BBS9: variants seen among roughly 807,000 people sequenced by gnomAD.
The protein encoded by BBS9 is Bardet-Biedl syndrome 9.
BBS9 carries 89 observed loss-of-function variants against 117.7 expected under a neutral mutation model. The ratio of observed to expected loss-of-function variants is 0.76; its 90% confidence interval spans 0.64 to 0.90. The LOEUF (loss-of-function observed/expected upper bound fraction) is 0.90, where lower values mean the gene tolerates loss of function less well. Among genes scored for constraint, BBS9 ranks in the 40% least tolerant of loss-of-function variants. The probability of loss-of-function intolerance (pLI) is 0.00; values close to 1 mark genes in which losing one functional copy is unlikely to be tolerated. For synonymous variants in BBS9, 379 were observed against 370.9 expected, an observed-to-expected ratio of 1.02 and a Z score of -0.25; for missense variants, 982 against 1,042.2, an observed-to-expected ratio of 0.94 and a Z score of 0.80.
intron 19 of BBS9, among the ~76,000 whole-genome samples, chr7:33,419,937 G>A (rs1490615443): frequency 6.6e-6 from 1 of 152,134 alleles, no homozygotes; most frequent in African/African-American, 2.4e-5. Context: ...GGCAGATGGT[G>A]GAAGAAAGAT....
At chr7:33,480,821 G>A (rs1434221765) in intron 19 of BBS9, among the ~76,000 whole-genome samples, 2 of 152,150 alleles carry the variant, frequency 1.3e-5, no homozygotes, top group Non-Finnish European at 1.5e-5. Flanking sequence ...GGGACCTGGT[G>A]GGAAGTGATT....
intron 19 of BBS9, among the ~76,000 whole-genome samples, chr7:33,494,907 A>T (rs1844505341): frequency 6.6e-6 from 1 of 152,194 alleles, no homozygotes; most frequent in South Asian, 2.1e-4. Context: ...GTTTCACTCC[A>T]TGTGAAACCA....
At chr7:33,296,630 T>C (rs1000528853) in intron 9 of BBS9, among the ~76,000 whole-genome samples, 1 of 152,188 alleles carries the variant, frequency 6.6e-6, no homozygotes, top group Admixed American at 6.5e-5. Flanking sequence ...CATTACTTTC[T>C]TCTGTCATCT....
At chr7:33,542,691 T>TTATA (rs780848680) in intron 21 of BBS9, among the ~76,000 whole-genome samples, 1,067 of 101,110 alleles carry the variant, frequency 0.011, 14 homozygotes, top group Non-Finnish European at 0.017. Flanking sequence ...TAGTATTCCA[T>TTATA]TATATATATG....
At chr7:33,417,522 C>G (rs1485523090) in intron 19 of BBS9, among the ~76,000 whole-genome samples, 1 of 152,180 alleles carries the variant, frequency 6.6e-6, no homozygotes, top group Non-Finnish European at 1.5e-5. Context: ...TAATTTTCAT[C>G]TCCTATGATG....
chr7:33,391,704 T>C (rs541886397), intron 19 of BBS9, among the ~76,000 whole-genome samples: 5 of 152,368 alleles, frequency 3.3e-5, no homozygotes, highest in Non-Finnish European at 7.4e-5. Flanking sequence ...TATTCTATCA[T>C]GTTCATCTTT....
intron 19 of BBS9, among the ~76,000 whole-genome samples, chr7:33,398,032 G>C (rs1427864013): frequency 6.6e-6 from 1 of 152,064 alleles, no homozygotes; most frequent in African/African-American, 2.4e-5. Flanking sequence ...CACAAAAATA[G>C]CTTTTTCAAA....
intron 9 of BBS9, among the ~76,000 whole-genome samples, chr7:33,310,710 G>A (rs912086103): frequency 2.0e-5 from 3 of 152,214 alleles, no homozygotes; most frequent in East Asian, 1.9e-4. Context: ...AGCAGGAAGT[G>A]TTGTTTGTTT....
At chr7:33,325,518 T>C (rs1812647673) in intron 9 of BBS9, among the ~76,000 whole-genome samples, 1 of 152,204 alleles carries the variant, frequency 6.6e-6, no homozygotes, top group Admixed American at 6.5e-5. Flanking sequence ...CATGTTTTCC[T>C]GGATAGCCTG....
intron 20 of BBS9, among the ~76,000 whole-genome samples, chr7:33,518,993 G>A (rs1848218206): frequency 6.6e-6 from 1 of 151,604 alleles, no homozygotes; most frequent in Admixed American, 6.6e-5. Flanking sequence ...CATATCCATT[G>A]GCGGTCTTGA....
intron 15 of BBS9, among the ~76,000 whole-genome samples, chr7:33,353,119 C>CT (rs1818979188): frequency 6.6e-6 from 1 of 152,136 alleles, no homozygotes; most frequent in African/African-American, 2.4e-5. Context: ...AATAGAATGT[C>CT]TTTTTTGAAA....
At chr7:33,325,821 A>C (rs1255382442) in intron 9 of BBS9, among the ~76,000 whole-genome samples, 1 of 152,010 alleles carries the variant, frequency 6.6e-6, no homozygotes, top group Non-Finnish European at 1.5e-5. Context: ...TTCTTCCCTT[A>C]CCTTTTCCCC....
intron 4 of BBS9, among the ~76,000 whole-genome samples, chr7:33,167,591 G>A (rs371045726): frequency 1.3e-5 from 2 of 151,982 alleles, no homozygotes; most frequent in East Asian, 1.9e-4. Context: ...TAGTAGAGAT[G>A]GGGTTCACTG....
chr7:33,147,916 T>C (rs897143086), intron 2 of BBS9, among the ~76,000 whole-genome samples: 2 of 150,394 alleles, frequency 1.3e-5, no homozygotes, highest in Non-Finnish European at 3.0e-5. Context: ...TAGACAACAC[T>C]CATCATTGTG....
chr7:33,480,522 C>T (rs77413155), intron 19 of BBS9, among the ~76,000 whole-genome samples: 2 of 152,040 alleles, frequency 1.3e-5, no homozygotes, highest in African/African-American at 4.8e-5. Context: ...AATGTCTTGT[C>T]AAAGCTTCAC....
chr7:33,624,020 G>A (rs1179914526), intron 21 of BBS9, among the ~76,000 whole-genome samples: 2 of 150,678 alleles, frequency 1.3e-5, no homozygotes, highest in Non-Finnish European at 3.0e-5. Context: ...TTACTCTTTT[G>A]ACTGTTTAAT....
intron 17 of BBS9, among the ~76,000 whole-genome samples, chr7:33,368,861 A>C (rs780686185): frequency 1.2e-4 from 19 of 152,136 alleles, no homozygotes; most frequent in Non-Finnish European, 2.4e-4. Flanking sequence ...AGTTTCTGGA[A>C]TATGTCAATT....
intron 17 of BBS9, among the ~76,000 whole-genome samples, chr7:33,379,500 T>C (rs1824546693): frequency 6.6e-6 from 1 of 152,166 alleles, no homozygotes; most frequent in South Asian, 2.1e-4. Context: ...TTCAGAATCC[T>C]TCTAGAAACT....
At chr7:33,605,094 C>G in intron 22 of BBS9, 101 bp from the exon 23 acceptor site, 1 of 1,466,226 alleles carries the variant, frequency 6.8e-7, no homozygotes, top group Non-Finnish European at 9.6e-7. Context: ...TTTCTTCATT[C>G]TTCCCCTTAG....
Sources: allele counts gnomAD v4.1 joint callset (sites outside exome capture counted in the v4.1 genomes callset), GRCh38; gene constraint gnomAD v4.1.1; transcripts MANE v1.5; gene names NCBI Gene and HGNC (gene_info 2026-07-23, HGNC 2026-07-21).